Variants in MUC17 observed in about 807,000 individuals in gnomAD.
MUC17 encodes mucin-17.
Under a neutral mutation model 170.3 loss-of-function variants are expected in MUC17, and 190 were observed. The observed-to-expected ratio is 1.12, with a 90% confidence interval of 0.99 to 1.26. The LOEUF (loss-of-function observed/expected upper bound fraction) is 1.26. MUC17 is among the 50% of genes most tolerant of loss of function. The pLI is 0.00. For missense variants in MUC17, 6,415 were observed against 5,530.0 expected (o/e 1.16, Z -5.08); for synonymous variants, 2,325 against 2,002.5 (o/e 1.16, Z -4.30).
At position 101,036,225 on chromosome 7, in the gene MUC17, G is replaced by T. The variant is rs867368101; in HGVS notation, c.4809G>T (p.Gln1603His). The change falls in exon 3 of 13, where the codon CAG becomes CAT. Residue 1603 changes from glutamine (Q) to histidine (H), a missense_variant. Gln to His is a conservative substitution (Grantham distance 24). Transcript: ENST00000306151. ...CAACCCCTATTGACTCCAAAACTCA[G>T]GTGACCGCTTCTACTGAAGCCAGTT... ...LSTTPIDSKT[Q>H]VTASTEASSS... 1 of 1,613,474 alleles carries T rather than the reference G, an allele frequency of 6.2e-7. No individual in the cohort carries two copies. The highest frequency in any genetic ancestry group is 8.5e-7 in the Non-Finnish European group (1 of 1,179,914).
chr7:101,025,487 A>G (rs796828235), intron 1 of MUC17, among the ~76,000 whole-genome samples: 5 of 152,048 alleles, frequency 3.3e-5, no homozygotes, highest in African/African-American at 1.2e-4. Flanking sequence ...ACATGGTGAA[A>G]ATCTGTCTCT....
chr7:101,043,766 C>G lies in MUC17; in HGVS notation c.12350C>G (p.Thr4117Ser). 6.2e-7 allele frequency: 1 copy of G among 1,613,706 alleles called. No homozygotes were observed. Among genetic ancestry groups the G allele is most frequent in the Non-Finnish European group, 8.5e-7 (1 of 1,179,692 alleles). ...TVTTTAVPTN[T>S]TIKSNPTSTP... ...ACCACCACCGCTGTCCCCACGAATA[C>G]TACAATTAAGAGCAACCCCACCTCA... The change falls in exon 3 of 13, where the codon ACT (threonine) becomes AGT (serine). Residue 4117 changes from threonine (T) to serine (S), a missense_variant. Physicochemically the swap from Thr to Ser is moderately conservative, Grantham distance 58. Transcript: ENST00000306151.
Position 101,034,186 on chromosome 7 carries a change from A to C in MUC17, c.2770A>C (p.Thr924Pro). Reference protein sequence around the residue: ...MPTSTPGEGSTPLTSMPDSTT... With the variant: ...MPTSTPGEGSPPLTSMPDSTT... Reference sequence around the variant, plus strand: ...AACCTCAACTCCTGGGGAAGGAAGCACTCCATTAACAAGTATGCCTGACAG... The same window carrying C: ...AACCTCAACTCCTGGGGAAGGAAGCCCTCCATTAACAAGTATGCCTGACAG... The change falls in exon 3 of 13, where the codon ACT becomes CCT. Residue 924 changes from threonine (T) to proline (P), a missense_variant. Transcript: ENST00000306151. 6.3e-7 allele frequency: 1 copy of C among 1,585,224 alleles called. No individual in the cohort carries two copies. The highest frequency in any genetic ancestry group is 1.1e-5 in the South Asian group (1 of 87,550).
chr7:101,021,882 C>T (rs1317652298), intron 1 of MUC17, among the ~76,000 whole-genome samples: 2 of 152,200 alleles, frequency 1.3e-5, no homozygotes, highest in Non-Finnish European at 2.9e-5. Context: ...GCTGCAGTGG[C>T]CTCAGCCTGG....
rs138331718 is a variant in MUC17 at position 101,038,488 on chromosome 7, C to A, written c.7072C>A (p.Leu2358Ile). Residue 2358 changes from leucine to isoleucine, a missense_variant, in exon 3 of 13, where the codon CTT (leucine) becomes ATT (isoleucine). Leu to Ile is a conservative substitution (Grantham distance 5). Coordinates refer to ENST00000306151, the MANE Select transcript of MUC17 (RefSeq NM_001040105.2). ...TMVASFETSTLSTTPADTSTP... is the reference protein window; with the variant it reads ...TMVASFETSTISTTPADTSTP... The stretch of plus-strand genomic sequence containing the variant: ...GGTGGCCAGTTTTGAAACAAGCACA[C>A]TTTCTACAACTCCTGCTGACACCAG... 2,066 of 1,604,456 alleles carry A rather than the reference C, an allele frequency of 1.3e-3. 2 individuals carry two copies. The highest frequency in any genetic ancestry group is 1.7e-3 in the Non-Finnish European group (1,942 of 1,174,206).
chr7:101,050,740 G>T lies in MUC17; in HGVS notation c.12874+105G>T. On this transcript the variant is annotated intron_variant, in intron 7 of 12. Transcript: ENST00000306151. ...GAGTGAGGATGGTTAATGGGTGGGT[G>T]CAAGAATCACTGTGGGGTCCTAGAG... 3.4e-6 allele frequency: 5 copies of T among 1,460,776 alleles called. No individual in the cohort carries two copies. The South Asian group carries it at 5.5e-5, about 16-fold the overall frequency. The allele number at this position is 1,460,776 out of a possible 1,614,324, so 90.5% of individuals were successfully genotyped here.
rs540225527 is a variant in MUC17, at chr7:101,036,810, A to G, written c.5394A>G (p.Ile1798Met). ...CTACAACTGCTGAAGGTACCAGCAT[A>G]CCAACCTCGACTCTTAGTGAAGGAA... ...SSPTTAEGTS[I>M]PTSTLSEGMT... Residue 1798 changes from isoleucine to methionine, a missense_variant, in exon 3 of 13, where the codon ATA becomes ATG. Ile to Met is a conservative substitution (Grantham distance 10). Transcript: ENST00000306151. 6.2e-7 allele frequency: 1 copy of G among 1,605,114 alleles called. No homozygotes were observed. The highest frequency in any genetic ancestry group is 8.5e-7 in the Non-Finnish European group (1 of 1,175,530).
At chr7:101,029,371 A>G (rs1194523636) in intron 1 of MUC17, among the ~76,000 whole-genome samples, 1 of 151,866 alleles carries the variant, frequency 6.6e-6, no homozygotes, top group Non-Finnish European at 1.5e-5. Context: ...ACATACATAC[A>G]TACATGTATA....
intron 3 of MUC17, among the ~76,000 whole-genome samples, chr7:101,046,895 C>T (rs1466030018): frequency 2.6e-5 from 4 of 151,664 alleles, no homozygotes; most frequent in Non-Finnish European, 4.4e-5. Flanking sequence ...CTGGCTAACA[C>T]GGTGAAACAT....
intron 1 of MUC17, among the ~76,000 whole-genome samples, chr7:101,029,907 G>GA (rs1562802198): frequency 6.6e-6 from 1 of 151,000 alleles, no homozygotes; most frequent in Non-Finnish European, 1.5e-5. Context: ...CCTCTTTTAG[G>GA]TTTTTTTTTA....
chr7:101,039,680 G>T lies in MUC17; in HGVS notation c.8264G>T (p.Ser2755Ile), dbSNP rs751494787. The change falls in exon 3 of 13, where the codon AGT becomes ATT. Residue 2755 changes from serine to isoleucine, a missense_variant. Physicochemically the swap from Ser to Ile is moderately radical, Grantham distance 142. Coordinates refer to ENST00000306151, the MANE Select transcript of MUC17 (RefSeq NM_001040105.2). ...TPSDGSTPLT[S>I]ILVSTLPVAS... The stretch of plus-strand genomic sequence containing the variant: ...AGTGATGGAAGTACTCCATTAACAA[G>T]TATACTTGTCAGCACCCTGCCAGTG... 1.9e-6 allele frequency: 3 copies of T among 1,612,240 alleles called. No individual in the cohort carries two copies. The highest frequency in any genetic ancestry group is 2.2e-5 in the South Asian group (2 of 91,000).
chr7:101,034,170 T>C lies in MUC17; in HGVS notation c.2754T>C (p.Thr918=). The stretch of plus-strand genomic sequence containing the variant: ...AAGGTACCAGCATGCCAACCTCAAC[T>C]CCTGGGGAAGGAAGCACTCCATTAA... ...TSEGTSMPTS[T]PGEGSTPLTS... The change falls in exon 3 of 13, where the codon ACT becomes ACC. Residue 918 remains threonine, a synonymous_variant. Coordinates refer to ENST00000306151, the MANE Select transcript of MUC17 (RefSeq NM_001040105.2). 3 of 1,584,296 alleles carry C rather than the reference T, an allele frequency of 1.9e-6. No individual in the cohort carries two copies. Among genetic ancestry groups the C allele is most frequent in the African/African-American group, 2.7e-5 (2 of 73,062 alleles).
At position 101,031,161 on chromosome 7, in the gene MUC17, A is replaced by G; in HGVS notation, c.124A>G (p.Ile42Val). 2 of 1,613,874 alleles carry G rather than the reference A, an allele frequency of 1.2e-6. No homozygotes were observed. The highest frequency in any genetic ancestry group is 8.5e-7 in the Non-Finnish European group (1 of 1,179,882). Residue 42 changes from isoleucine (I) to valine (V), a missense_variant, in exon 2 of 13, where the codon ATC (isoleucine) becomes GTC (valine). Ile to Val is a conservative substitution (Grantham distance 29). Coordinates refer to ENST00000306151, the MANE Select transcript of MUC17 (RefSeq NM_001040105.2). ...NRAVWDGGGC[I>V]SQGDVLNRQC... ...GGCTGTGTGGGATGGAGGAGGGTGC[A>G]TCTCCCAAGGGGACGTCTTGAACCG...
intron 1 of MUC17, among the ~76,000 whole-genome samples, chr7:101,021,641 C>G (rs1238852738): frequency 6.6e-6 from 1 of 152,142 alleles, no homozygotes; most frequent in Non-Finnish European, 1.5e-5. Flanking sequence ...GATTTCATCC[C>G]TAGCCTCAGT....
chr7:101,040,562 C>T lies in MUC17; in HGVS notation c.9146C>T (p.Thr3049Ile). The change falls in exon 3 of 13, where the codon ACA becomes ATA. Residue 3049 changes from threonine to isoleucine, a missense_variant. Thr to Ile is a moderately conservative substitution (Grantham distance 89). Coordinates refer to ENST00000306151, the MANE Select transcript of MUC17 (RefSeq NM_001040105.2). ...CCTAGTGAAGGAAGTACTCCATTAA[C>T]AAGTATACCTGTCAGCACCACGCCA... ...STPSEGSTPL[T>I]SIPVSTTPVA... 1.2e-6 allele frequency: 2 copies of T among 1,612,820 alleles called. No homozygotes were observed. The highest frequency in any genetic ancestry group is 2.2e-5 in the East Asian group (1 of 44,672).
intron 1 of MUC17, among the ~76,000 whole-genome samples, chr7:101,020,761 G>A (rs886223516): frequency 6.6e-6 from 1 of 152,102 alleles, no homozygotes; most frequent in Non-Finnish European, 1.5e-5. Context: ...CCCTGGGGCC[G>A]CTCAGTTCAT....
intron 3 of MUC17, among the ~76,000 whole-genome samples, chr7:101,045,948 G>A (rs1210439470): frequency 6.6e-6 from 1 of 152,156 alleles, no homozygotes; most frequent in African/African-American, 2.4e-5. Flanking sequence ...CCCAGAGATT[G>A]GCCTTCCCTT....
rs4729648 is a variant in MUC17 at position 101,035,124 on chromosome 7, T to C, written c.3708T>C (p.Ala1236=). The stretch of plus-strand genomic sequence containing the variant: ...ACACGCCAGTGGCCAGTTCTGAGGC[T>C]AGCACCCTTTCAACATCTCCCGTTG... The part of the protein sequence containing the change: ...VRHTPVASSE[A]STLSTSPVDT... The change falls in exon 3 of 13, where the codon GCT becomes GCC. Residue 1236 remains alanine (A), a synonymous_variant. Coordinates refer to ENST00000306151, the MANE Select transcript of MUC17 (RefSeq NM_001040105.2). 101,882 of 1,465,714 alleles carry C rather than the reference T, an allele frequency of 0.07. No individual in the cohort carries two copies. Among genetic ancestry groups the C allele is most frequent in the African/African-American group, 0.22 (15,046 of 67,224 alleles). 90.8% of individuals were successfully genotyped at this position (1,465,714 alleles called of 1,614,324 possible).
At chr7:101,030,837 G>C (rs1163559270) in intron 1 of MUC17, among the ~76,000 whole-genome samples, 1 of 152,130 alleles carries the variant, frequency 6.6e-6, no homozygotes. Flanking sequence ...CTGGGCTCAA[G>C]CGATCCTCTC....
Sources: allele counts gnomAD v4.1 joint callset (sites outside exome capture counted in the v4.1 genomes callset), GRCh38; gene constraint gnomAD v4.1.1; transcripts MANE v1.5; gene names NCBI Gene and HGNC (gene_info 2026-07-23, HGNC 2026-07-21).